The following FHIP1A variants were observed in gnomAD, a reference collection of about 807,000 sequenced individuals.
FHIP1A encodes FHF complex subunit HOOK interacting protein 1A.
FHIP1A carries 61 observed loss-of-function variants against 88.6 expected under a neutral mutation model. The ratio of observed to expected loss-of-function variants is 0.69; its 90% CI spans 0.56 to 0.85. The LOEUF is 0.85. FHIP1A is among the 40% of genes least tolerant of loss of function. The pLI, the probability that FHIP1A is intolerant of heterozygous loss-of-function variation, is 0.00. For synonymous variants in FHIP1A, 478 were observed against 496.0 expected (o/e 0.96, Z 0.48); for missense variants, 1,154 against 1,273.5 (o/e 0.91, Z 1.43).
intron 3 of FHIP1A, among the ~76,000 whole-genome samples, chr4:151,522,571 T>C (rs1731486013): frequency 1.3e-5 from 2 of 152,186 alleles, no homozygotes; most frequent in South Asian, 4.1e-4. Context: ...CAGTATCCAA[T>C]TTTTCACTTC....
chr4:151,419,115 G>A (rs1401370044), intron 1 of FHIP1A, among the ~76,000 whole-genome samples: 1 of 152,194 alleles, frequency 6.6e-6, no homozygotes, highest in Non-Finnish European at 1.5e-5. Flanking sequence ...ATGTCTGTGA[G>A]AGGATTTCTG....
chr4:151,577,709 A>G lies in FHIP1A; in HGVS notation c.365A>G (p.Tyr122Cys), dbSNP rs1733848889. 1 of 1,551,688 alleles carries G rather than the reference A, an allele frequency of 6.4e-7. No homozygotes were observed. The change falls in exon 5 of 14, where the codon TAT (tyrosine) becomes TGT (cysteine). Residue 122 changes from tyrosine (Y) to cysteine (C), a missense_variant. Tyr to Cys is a radical substitution (Grantham distance 194). Transcript: ENST00000435205. ...ACTAAAATTGAGCAGCTAAAGATGT[A>G]TGAGATGTTGGTCACCCAGTCGCAC... ...DETKIEQLKMYEMLVTQSHQP... is the reference protein window; with the variant it reads ...DETKIEQLKMCEMLVTQSHQP...
At chr4:151,488,866 A>G (rs1273705524) in intron 3 of FHIP1A, among the ~76,000 whole-genome samples, 1 of 152,224 alleles carries the variant, frequency 6.6e-6, no homozygotes, top group Non-Finnish European at 1.5e-5. Context: ...GATTTCTACC[A>G]ATTCTACATG....
intron 11 of FHIP1A, among the ~76,000 whole-genome samples, chr4:151,653,356 G>GTGTC (rs920469604): frequency 2.0e-5 from 3 of 148,774 alleles, no homozygotes; most frequent in African/African-American, 7.4e-5. Context: ...CTGTGTGTGT[G>GTGTC]TCTCTCTCTC....
At chr4:151,608,846 G>T (rs1249894984) in intron 7 of FHIP1A, among the ~76,000 whole-genome samples, 1 of 152,212 alleles carries the variant, frequency 6.6e-6, no homozygotes, top group Non-Finnish European at 1.5e-5. Flanking sequence ...TGGAGATAAG[G>T]AATCTCAAAA....
chr4:151,592,883 T>G (rs998113815), intron 7 of FHIP1A, among the ~76,000 whole-genome samples: 5 of 152,204 alleles, frequency 3.3e-5, no homozygotes, highest in African/African-American at 1.2e-4. Flanking sequence ...TTCTAGGGTT[T>G]TTATGATTTT....
chr4:151,661,134 T>C (rs1315610022), intron 13 of FHIP1A, among the ~76,000 whole-genome samples: 1 of 152,198 alleles, frequency 6.6e-6, no homozygotes, highest in East Asian at 1.9e-4. Context: ...CAGTCCCCAT[T>C]GGAACGCAGG....
chr4:151,545,855 G>T (rs1419020842), intron 3 of FHIP1A, among the ~76,000 whole-genome samples: 1 of 152,192 alleles, frequency 6.6e-6, no homozygotes, highest in Admixed American at 6.5e-5. Flanking sequence ...AAAGGTGAAT[G>T]CCTGAATGCT....
chr4:151,651,974 G>T (rs1235241304), intron 11 of FHIP1A, among the ~76,000 whole-genome samples: 3 of 152,182 alleles, frequency 2.0e-5, no homozygotes, highest in East Asian at 3.8e-4. Flanking sequence ...GGACAGGGAA[G>T]GGGGAGTTGG....
chr4:151,648,382 A>G (rs537685420), intron 10 of FHIP1A, among the ~76,000 whole-genome samples: 1 of 152,290 alleles, frequency 6.6e-6, no homozygotes, highest in Non-Finnish European at 1.5e-5. Flanking sequence ...CATAACATAG[A>G]TAAGAGATAA....
intron 2 of FHIP1A, among the ~76,000 whole-genome samples, chr4:151,469,947 G>A (rs1729452966): frequency 6.6e-6 from 1 of 152,136 alleles, no homozygotes; most frequent in Non-Finnish European, 1.5e-5. Flanking sequence ...ACATTACACA[G>A]CCTTAAAATT....
intron 1 of FHIP1A, among the ~76,000 whole-genome samples, chr4:151,431,229 A>G (rs538188654): frequency 2.6e-5 from 4 of 152,206 alleles, no homozygotes; most frequent in South Asian, 2.1e-4. Context: ...ATCTCAGTCA[A>G]TCCTGACTGT....
chr4:151,488,840 T>C (rs1009011993), intron 3 of FHIP1A, among the ~76,000 whole-genome samples: 1 of 152,236 alleles, frequency 6.6e-6, no homozygotes, highest in Admixed American at 6.5e-5. Context: ...CAAATGAATA[T>C]TTAAATGAGC....
At chr4:151,587,123 G>A (rs1734248166) in intron 6 of FHIP1A, among the ~76,000 whole-genome samples, 1 of 152,060 alleles carries the variant, frequency 6.6e-6, no homozygotes, top group Admixed American at 6.6e-5. Flanking sequence ...AAGTACTCCA[G>A]ATTATACCGC....
At chr4:151,541,804 A>T (rs1032910223) in intron 3 of FHIP1A, among the ~76,000 whole-genome samples, 2 of 152,122 alleles carry the variant, frequency 1.3e-5, no homozygotes, top group African/African-American at 4.8e-5. Flanking sequence ...TTGATTTTGT[A>T]AATAGTTGCT....
intron 3 of FHIP1A, among the ~76,000 whole-genome samples, chr4:151,531,236 C>T (rs1731866676): frequency 6.6e-6 from 1 of 151,700 alleles, no homozygotes; most frequent in Admixed American, 6.6e-5. Context: ...TAATTAGGGA[C>T]ATTTGGAACG....
At chr4:151,463,955 G>A (rs1452143805) in intron 2 of FHIP1A, among the ~76,000 whole-genome samples, 1 of 152,186 alleles carries the variant, frequency 6.6e-6, no homozygotes, top group East Asian at 1.9e-4. Context: ...CTTCCTACCA[G>A]ACATGAATAT....
chr4:151,555,330 A>G (rs921317532), intron 3 of FHIP1A, among the ~76,000 whole-genome samples: 3 of 152,180 alleles, frequency 2.0e-5, no homozygotes, highest in Non-Finnish European at 4.4e-5. Flanking sequence ...ATCTGGCATC[A>G]AATCAACAGA....
intron 3 of FHIP1A, among the ~76,000 whole-genome samples, chr4:151,494,753 C>A (rs1218087448): frequency 6.6e-6 from 1 of 152,094 alleles, no homozygotes; most frequent in Non-Finnish European, 1.5e-5. Flanking sequence ...CTGTAAATTG[C>A]TTTGGACAGT....
Sources: gnomAD v4.1 joint callset for allele counts (sites outside exome capture counted in the v4.1 genomes callset) on GRCh38, gnomAD v4.1.1 for gene constraint, MANE v1.5 for transcripts, NCBI Gene and HGNC (gene_info 2026-07-23, HGNC 2026-07-21) for gene names.